The following BCAR3 variants were observed in gnomAD, a reference collection of about 807,000 sequenced individuals.
BCAR3 encodes the protein breast cancer anti-estrogen resistance protein 3.
BCAR3 carries 37 observed loss-of-function variants against 80.1 expected under a neutral mutation model. The ratio of observed to expected loss-of-function variants is 0.46; its 90% CI spans 0.36 to 0.61. BCAR3 has a LOEUF of 0.61. Ranked by LOEUF, BCAR3 falls within the 20% of genes least tolerant of loss-of-function variation. The pLI is 0.00. For synonymous variants in BCAR3, 389 were observed against 418.9 expected (o/e 0.93, Z 0.87); for missense variants, 978 against 1,068.2 (o/e 0.92, Z 1.18).
At chr1:93,753,543 TACACACACAC>T (rs5776188) in intron 2 of BCAR3, 40,459 of 137,428 alleles carry the variant, frequency 0.29, 5,851 homozygotes, top group East Asian at 0.36. Flanking sequence ...TGCACGCGGG[TACACACACAC>T]ACACACACAC....
intron 3 of BCAR3, among the ~76,000 whole-genome samples, chr1:93,624,606 T>C (rs1675403576): frequency 6.6e-6 from 1 of 152,250 alleles, no homozygotes; most frequent in African/African-American, 2.4e-5. Flanking sequence ...TGTCTTATTG[T>C]CATCATTGGA....
chr1:93,803,562 G>A (rs1653565451), intron 2 of BCAR3, among the ~76,000 whole-genome samples: 1 of 152,178 alleles, frequency 6.6e-6, no homozygotes, highest in Non-Finnish European at 1.5e-5. Flanking sequence ...GGCTCCTCCA[G>A]AGTCAGTTCA....
chr1:93,696,528 C>T (rs555026412), intron 3 of BCAR3, among the ~76,000 whole-genome samples: 1 of 152,198 alleles, frequency 6.6e-6, no homozygotes, highest in African/African-American at 2.4e-5. Flanking sequence ...CCTCTCTCGC[C>T]TGGACTCTCC....
chr1:93,718,902 A>G (rs1650285257), intron 2 of BCAR3, among the ~76,000 whole-genome samples: 2 of 149,830 alleles, frequency 1.3e-5, no homozygotes, highest in Admixed American at 6.7e-5. Flanking sequence ...GGGTCTCCCT[A>G]TGTTGCCCAA....
intron 2 of BCAR3, among the ~76,000 whole-genome samples, chr1:93,802,796 G>A (rs1653528903): frequency 6.6e-6 from 1 of 152,198 alleles, no homozygotes; most frequent in Admixed American, 6.5e-5. Flanking sequence ...CTGAATGGAA[G>A]CAATTTTATC....
chr1:93,784,377 G>T (rs1293250305), intron 2 of BCAR3, among the ~76,000 whole-genome samples: 1 of 152,078 alleles, frequency 6.6e-6, no homozygotes, highest in Non-Finnish European at 1.5e-5. Flanking sequence ...TCAAGTGGGG[G>T]AACTGCCTGC....
chr1:93,619,561 C>A (rs1216451717), intron 3 of BCAR3, among the ~76,000 whole-genome samples: 4 of 152,246 alleles, frequency 2.6e-5, no homozygotes, highest in Non-Finnish European at 5.9e-5. Flanking sequence ...ACACTTTTCT[C>A]TTTCCCTTTC....
intron 2 of BCAR3, among the ~76,000 whole-genome samples, chr1:93,816,750 G>A (rs1654035439): frequency 6.7e-6 from 1 of 148,640 alleles, no homozygotes; most frequent in South Asian, 2.1e-4. Flanking sequence ...AGGCATTTAA[G>A]CTATTGCCCA....
At chr1:93,727,177 G>A (rs984829616) in intron 2 of BCAR3, among the ~76,000 whole-genome samples, 1 of 152,198 alleles carries the variant, frequency 6.6e-6, no homozygotes, top group Non-Finnish European at 1.5e-5. Flanking sequence ...AAGTGGGGAT[G>A]CTTTCCTGCA....
chr1:93,661,521 C>G (rs191617836), intron 2 of BCAR3, among the ~76,000 whole-genome samples: 1 of 150,354 alleles, frequency 6.7e-6, no homozygotes, highest in East Asian at 2.0e-4. Context: ...AAGTTTCGCT[C>G]TGTTGCCCCA....
intron 2 of BCAR3, 45 bp from the exon 3 acceptor site, chr1:93,642,388 A>C (rs751600586): frequency 1.6e-5 from 24 of 1,539,778 alleles, no homozygotes; most frequent in Non-Finnish European, 2.1e-5. Context: ...GGAACGATGC[A>C]TTCTTACATT....
chr1:93,741,799 G>A (rs368489619), intron 2 of BCAR3, among the ~76,000 whole-genome samples: 25 of 152,126 alleles, frequency 1.6e-4, no homozygotes, highest in African/African-American at 6.0e-4. Context: ...TCATACTCCT[G>A]ACCTCAGGTG....
intron 2 of BCAR3, among the ~76,000 whole-genome samples, chr1:93,647,045 A>G (rs1308041803): frequency 4.6e-5 from 7 of 152,236 alleles, no homozygotes; most frequent in African/African-American, 1.7e-4. Flanking sequence ...ATTACAGGAA[A>G]ACATTTTCTT....
At chr1:93,750,851 T>G (rs1428960438) in intron 2 of BCAR3, among the ~76,000 whole-genome samples, 1 of 152,198 alleles carries the variant, frequency 6.6e-6, no homozygotes, top group Non-Finnish European at 1.5e-5. Context: ...TCTTTACCCT[T>G]CCCAGATGAT....
chr1:93,677,894 TC>T (rs1031764786), intron 1 of BCAR3, among the ~76,000 whole-genome samples: 1 of 152,150 alleles, frequency 6.6e-6, no homozygotes, highest in African/African-American at 2.4e-5. Flanking sequence ...AGAGAGTAGA[TC>T]CCTTAACTTG....
In BCAR3 at chr1:93,822,491, C is replaced by T. The variant is rs1313637883; in HGVS notation, c.-63+23076G>A. Among the ~76,000 whole-genome samples, 3 of 152,094 alleles carry T rather than the reference C, an allele frequency of 2.0e-5. No individual in the cohort carries two copies. The East Asian group carries it at 5.8e-4, about 29-fold the overall frequency. ...AGCAGCTGGGATTACAGGGGTCTGC[C>T]ACCATGCCTGGCTAATTTTTATATT... On this transcript the variant is annotated intron_variant, in intron 2 of 13. Transcript: ENST00000370244.
At chr1:93,802,388 C>T (rs1653512703) in intron 2 of BCAR3, among the ~76,000 whole-genome samples, 2 of 152,070 alleles carry the variant, frequency 1.3e-5, no homozygotes, top group Admixed American at 1.3e-4. Context: ...GCTTTTCTTT[C>T]AGATACTAAC....
At chr1:93,846,053 G>A (rs1038645706) in intron 1 of BCAR3, among the ~76,000 whole-genome samples, 4 of 152,196 alleles carry the variant, frequency 2.6e-5, no homozygotes, top group African/African-American at 9.7e-5. Context: ...CCCTACACGA[G>A]TTTTTTAACC....
rs574127278 is a variant in BCAR3, at chr1:93,676,289, C to T, written c.-11-1348G>A. Reference sequence around the variant, plus strand: ...CTCCACAAGCTGATAGAAGTGGAGCCGAGACAATGACATTAGAGTGTGTAA... The same window carrying T: ...CTCCACAAGCTGATAGAAGTGGAGCTGAGACAATGACATTAGAGTGTGTAA... On this transcript the variant is annotated intron_variant, in intron 1 of 11. Transcript: ENST00000260502. Among the ~76,000 whole-genome samples, 57 of 152,212 alleles carry T rather than the reference C, an allele frequency of 3.7e-4. 1 individual carries two copies. The South Asian group carries it at 0.011, about 28-fold the overall frequency.
Sources: gnomAD v4.1 joint callset for allele counts (sites outside exome capture counted in the v4.1 genomes callset) on GRCh38, gnomAD v4.1.1 for gene constraint, MANE v1.5 for transcripts, NCBI Gene and HGNC (gene_info 2026-07-23, HGNC 2026-07-21) for gene names.